The following GAB1 variants were observed in gnomAD, a reference collection of about 807,000 sequenced individuals.
The protein encoded by GAB1 is GRB2 associated binding protein 1.
In GAB1, 19 loss-of-function variants were observed where a neutral mutation model predicts 66.5. The ratio of observed to expected loss-of-function variants is 0.29; its 90% CI spans 0.20 to 0.42. GAB1 has a LOEUF of 0.42. Among genes scored for constraint, GAB1 ranks in the 10% least tolerant of loss-of-function variants. The probability of loss-of-function intolerance (pLI) is 1.00; values close to 1 mark genes in which losing one functional copy is unlikely to be tolerated. For synonymous variants in GAB1, 294 were observed against 301.4 expected (o/e 0.98, Z 0.25); for missense variants, 732 against 858.5 (o/e 0.85, Z 1.84).
rs186678283 is a variant in GAB1, at chr4:143,425,037, A to T, written c.368-8454A>T. 1.6e-3 allele frequency: 1,266 copies of T among 780,282 alleles called. 12 individuals are homozygous for T. The African/African-American group carries it at 0.019, about 12-fold the overall frequency. 48.3% of individuals were successfully genotyped at this position (780,282 alleles called of 1,614,324 possible). ...GTTCTGGATTCCCGTTGTAACTTAAAGGGAAACTTTCACAATGTCCAGAGC... is the reference window on the plus strand; with the variant it reads ...GTTCTGGATTCCCGTTGTAACTTAATGGGAAACTTTCACAATGTCCAGAGC... On this transcript the variant is annotated intron_variant, in intron 2 of 9. Transcript: ENST00000262994.
intron 2 of GAB1, among the ~76,000 whole-genome samples, chr4:143,420,652 G>T (rs888968559): frequency 1.3e-5 from 2 of 152,056 alleles, no homozygotes; most frequent in Non-Finnish European, 2.9e-5. Flanking sequence ...TGCTAAACAA[G>T]TATTGGGAAG....
chr4:143,375,758 G>A (rs1197895007), intron 1 of GAB1, among the ~76,000 whole-genome samples: 1 of 152,180 alleles, frequency 6.6e-6, no homozygotes, highest in African/African-American at 2.4e-5. Flanking sequence ...CTGCACTGTT[G>A]ATATTGTGGC....
chr4:143,427,313 C>T (rs567604257), intron 2 of GAB1, among the ~76,000 whole-genome samples: 22 of 152,146 alleles, frequency 1.4e-4, no homozygotes, highest in Admixed American at 2.0e-4. Flanking sequence ...GCAGTCAGAT[C>T]CCCCTCAGAG....
intron 3 of GAB1, among the ~76,000 whole-genome samples, chr4:143,434,475 C>G (rs1271223933): frequency 6.6e-6 from 1 of 151,682 alleles, no homozygotes; most frequent in Non-Finnish European, 1.5e-5. Context: ...CTGCCTCAGC[C>G]CCCAGGTAGC....
chr4:143,453,752 C>A (rs909222662), intron 6 of GAB1, among the ~76,000 whole-genome samples: 1 of 152,188 alleles, frequency 6.6e-6, no homozygotes, highest in African/African-American at 2.4e-5. Context: ...CATGAACCCT[C>A]TCTCTAGATT....
chr4:143,408,152 G>T (rs1279233240), intron 1 of GAB1, among the ~76,000 whole-genome samples: 1 of 151,876 alleles, frequency 6.6e-6, no homozygotes, highest in Non-Finnish European at 1.5e-5. Flanking sequence ...CATGTATCCC[G>T]GAATTCTATA....
chr4:143,466,519 T>A (rs2149798998), intron 9 of GAB1, among the ~76,000 whole-genome samples: 1 of 144,728 alleles, frequency 6.9e-6, no homozygotes, highest in African/African-American at 2.6e-5. Context: ...AGACAGAGTC[T>A]TGCTCTGTTG....
At chr4:143,384,782 T>C (rs1730823638) in intron 1 of GAB1, among the ~76,000 whole-genome samples, 1 of 152,200 alleles carries the variant, frequency 6.6e-6, no homozygotes, top group African/African-American at 2.4e-5. Flanking sequence ...TGGCAGTAGC[T>C]GGGGCCGAGT....
At chr4:143,340,981 C>CA (rs1320141360) in intron 1 of GAB1, among the ~76,000 whole-genome samples, 2 of 152,114 alleles carry the variant, frequency 1.3e-5, no homozygotes, top group African/African-American at 4.8e-5. Context: ...GAATGACACA[C>CA]AAAAAAATGA....
intron 1 of GAB1, among the ~76,000 whole-genome samples, chr4:143,344,982 C>T (rs1046584229): frequency 2.6e-5 from 4 of 152,174 alleles, no homozygotes; most frequent in Non-Finnish European, 4.4e-5. Flanking sequence ...GCTCTTGAAG[C>T]ATTCTGATTA....
In GAB1 at chr4:143,471,914, C is replaced by T. The variant is rs1736098758; in HGVS notation, c.*2725C>T. The T allele has an allele frequency of 6.6e-6, 1 of 152,120 alleles. No homozygotes were observed. Among genetic ancestry groups the T allele is most frequent in the Non-Finnish European group, 1.5e-5 (1 of 68,010 alleles). 9.4% of individuals were successfully genotyped at this position (152,120 alleles called of 1,614,324 possible). On this transcript the variant is annotated 3_prime_UTR_variant, in exon 10 of 10. Coordinates refer to ENST00000262994, the MANE Select transcript of GAB1 (RefSeq NM_002039.4). ...ATTTGAATCAAACCCTTTTAACTCACCTCCAAGAAGCTAGACTTTGGCCAG... is the reference window on the plus strand; with the variant it reads ...ATTTGAATCAAACCCTTTTAACTCATCTCCAAGAAGCTAGACTTTGGCCAG...
chr4:143,362,730 T>G (rs1483106767), intron 1 of GAB1, among the ~76,000 whole-genome samples: 1 of 152,192 alleles, frequency 6.6e-6, no homozygotes, highest in Non-Finnish European at 1.5e-5. Flanking sequence ...TTTGGTGGGT[T>G]TTGGCCAGCC....
At chr4:143,425,436 A>G (rs1380090355) in intron 2 of GAB1, 10 of 759,622 alleles carry the variant, frequency 1.3e-5, no homozygotes, top group Non-Finnish European at 2.4e-5. Flanking sequence ...GCTGAAGACC[A>G]GCCTCTCATA....
chr4:143,374,013 G>T (rs988793753), intron 1 of GAB1, among the ~76,000 whole-genome samples: 12 of 151,522 alleles, frequency 7.9e-5, no homozygotes, highest in Admixed American at 7.2e-4. Flanking sequence ...ACTACAGTGG[G>T]TTTTTTGTCA....
At chr4:143,387,756 CAAG>C (rs1730985231) in intron 1 of GAB1, among the ~76,000 whole-genome samples, 1 of 152,154 alleles carries the variant, frequency 6.6e-6, no homozygotes, top group Non-Finnish European at 1.5e-5. Context: ...AGTCCCATCT[CAAG>C]AACTTCCAAG....
intron 1 of GAB1, among the ~76,000 whole-genome samples, chr4:143,393,834 G>A (rs1045148170): frequency 4.6e-5 from 7 of 152,008 alleles, no homozygotes; most frequent in Non-Finnish European, 8.8e-5. Context: ...TTTAAGAAAA[G>A]GACAATCAAA....
chr4:143,377,926 T>C lies in GAB1; in HGVS notation c.73-37551T>C, dbSNP rs569872557. Among the ~76,000 whole-genome samples the C allele has an allele frequency of 9.2e-4, 140 of 152,304 alleles. 1 individual carries two copies. In the South Asian group the frequency reaches 0.029, roughly 31 times the overall value. On this transcript the variant is annotated intron_variant, in intron 1 of 9. Coordinates refer to ENST00000262994, the MANE Select transcript of GAB1 (RefSeq NM_002039.4). ...CGTTCATGTGTTTTAAACAATCCCT[T>C]TTAGGTCTGTTGAATGTAGCTTGGA... is the stretch of plus-strand genomic sequence containing the variant.
intron 8 of GAB1, among the ~76,000 whole-genome samples, chr4:143,465,400 C>G (rs1371420016): frequency 6.6e-6 from 1 of 152,134 alleles, no homozygotes; most frequent in Non-Finnish European, 1.5e-5. Flanking sequence ...CCAGAGTTGT[C>G]TTCACTCTGC....
intron 1 of GAB1, among the ~76,000 whole-genome samples, chr4:143,415,200 A>G (rs971240177): frequency 3.3e-5 from 5 of 152,226 alleles, no homozygotes; most frequent in African/African-American, 1.2e-4. Flanking sequence ...TTTAGTAAAA[A>G]CTGAATCCTC....
Sources: allele counts gnomAD v4.1 joint callset (sites outside exome capture counted in the v4.1 genomes callset), GRCh38; gene constraint gnomAD v4.1.1; transcripts MANE v1.5; gene names NCBI Gene and HGNC (gene_info 2026-07-23, HGNC 2026-07-21).